The following USP32 variants were observed in gnomAD, a reference collection of about 807,000 sequenced individuals.
The protein encoded by USP32 is ubiquitin carboxyl-terminal hydrolase 32.
USP32 carries 59 observed loss-of-function variants against 204.8 expected under a neutral mutation model. That is an observed-to-expected ratio of 0.29 (90% CI 0.23 to 0.36). The LOEUF (loss-of-function observed/expected upper bound fraction) is 0.36, where lower values mean the gene tolerates loss of function less well. USP32 is among the 10% of genes least tolerant of loss of function. The pLI, the probability that USP32 is intolerant of heterozygous loss-of-function variation, is 1.00. For missense variants in USP32, 1,160 were observed against 1,946.4 expected, an observed-to-expected ratio of 0.60 and a Z score of 7.60; for synonymous variants, 517 against 678.4, an observed-to-expected ratio of 0.76 and a Z score of 3.70.
chr17:60,265,336 T>C lies in USP32; in HGVS notation c.990+76A>G, dbSNP rs534544247. The C allele has an allele frequency of 1.2e-4, 123 of 991,902 alleles. 1 individual carries two copies. The South Asian group carries it at 1.8e-3, about 15-fold the overall frequency. 61.4% of individuals were successfully genotyped at this position (991,902 alleles called of 1,614,324 possible). The stretch of plus-strand genomic sequence containing the variant: ...GGAGGATGCCAAAGAGATTCAAGCA[T>C]GTATATAAGCGATACATCCCAAATG... On this transcript the variant is annotated intron_variant, in intron 9 of 33. Transcript: ENST00000300896.
At chr17:60,334,094 G>A (rs1027659259) in intron 2 of USP32, among the ~76,000 whole-genome samples, 7 of 152,138 alleles carry the variant, frequency 4.6e-5, no homozygotes, top group African/African-American at 1.7e-4. Context: ...GTGCTCATAT[G>A]GAGATGATTA....
intron 2 of USP32, among the ~76,000 whole-genome samples, chr17:60,332,669 C>T (rs1412924044): frequency 6.6e-6 from 1 of 152,082 alleles, no homozygotes; most frequent in Non-Finnish European, 1.5e-5. Context: ...TTTACTCTGC[C>T]CCTATATAAC....
chr17:60,294,566 A>C, intron 4 of USP32, 117 bp downstream of exon 4: 1 of 566,404 alleles, frequency 1.8e-6, no homozygotes, highest in Non-Finnish European at 3.0e-6. Flanking sequence ...ATAAATATAA[A>C]AATGCCAAGA....
chr17:60,180,540 T>C lies in USP32; in HGVS notation c.4641+5A>G. ...AACTTTCATTCAAAGACTGAGAATG[T>C]TTACCTTACAGCTGCTGTCATTGTA... On this transcript the variant is annotated splice_donor_5th_base_variant and intron_variant, in intron 33 of 33. Coordinates refer to ENST00000300896, the MANE Select transcript of USP32 (RefSeq NM_032582.4). 4 of 1,613,480 alleles carry C rather than the reference T, an allele frequency of 2.5e-6. No individual in the cohort carries two copies. The highest frequency in any genetic ancestry group is 3.4e-6 in the Non-Finnish European group (4 of 1,179,460).
At chr17:60,344,646 T>C (rs996862066) in intron 2 of USP32, among the ~76,000 whole-genome samples, 1 of 151,964 alleles carries the variant, frequency 6.6e-6, no homozygotes, top group Non-Finnish European at 1.5e-5. Context: ...TAAGTAGAGA[T>C]GAGGTCTCAC....
intron 2 of USP32, among the ~76,000 whole-genome samples, chr17:60,314,204 T>G: frequency 0.038 from 1 of 26 alleles, no homozygotes; most frequent in Admixed American, 0.25. Context: ...ACAGTGGCAT[T>G]GATCTTGGCT....
intron 7 of USP32, among the ~76,000 whole-genome samples, chr17:60,268,490 T>C (rs751664643): frequency 4.7e-5 from 7 of 150,190 alleles, no homozygotes; most frequent in Admixed American, 2.7e-4. Context: ...GGAGGATCCA[T>C]TGAGCCCAGA....
chr17:60,419,819 T>A (rs917244797), intron 1 of USP32, among the ~76,000 whole-genome samples: 14 of 7,372 alleles, frequency 1.9e-3, no homozygotes, highest in Admixed American at 7.8e-3. Flanking sequence ...TTAAAAAAAA[T>A]TATTATTATT....
intron 9 of USP32, among the ~76,000 whole-genome samples, chr17:60,259,901 T>A (rs1361617182): frequency 6.6e-6 from 1 of 152,204 alleles, no homozygotes; most frequent in Non-Finnish European, 1.5e-5. Context: ...TATTTAGAAG[T>A]TTGGTGATAT....
Position 60,341,409 on chromosome 17 carries a change from T to C in USP32, c.186+4072A>G, listed in dbSNP as rs545770753. Among the ~76,000 whole-genome samples the C allele has an allele frequency of 2.0e-5, 3 of 152,196 alleles. No homozygotes were observed. In the East Asian group the frequency reaches 5.8e-4, roughly 30 times the overall value. On this transcript the variant is annotated intron_variant, in intron 2 of 33. Coordinates refer to ENST00000300896, the MANE Select transcript of USP32 (RefSeq NM_032582.4). ...TCAGCATTTGCTTGTCTGTAAAGGATTTTATTTCTCCTTCACTTATGAAGC... is the reference window on the plus strand; with the variant it reads ...TCAGCATTTGCTTGTCTGTAAAGGACTTTATTTCTCCTTCACTTATGAAGC...
chr17:60,324,372 C>A (rs896130418), intron 2 of USP32, among the ~76,000 whole-genome samples: 1 of 151,464 alleles, frequency 6.6e-6, no homozygotes, highest in Non-Finnish European at 1.5e-5. Flanking sequence ...TTCAAAAATG[C>A]TACTAACTTG....
intron 9 of USP32, chr17:60,257,966 T>C (rs2086356818): frequency 6.5e-6 from 1 of 153,634 alleles, no homozygotes; most frequent in Admixed American, 6.6e-5. Flanking sequence ...TTTAACTCTT[T>C]AGGGCACAAT....
At chr17:60,180,436 C>T in intron 33 of USP32, 109 bp downstream of exon 33, 1 of 1,233,896 alleles carries the variant, frequency 8.1e-7, no homozygotes, top group Non-Finnish European at 1.2e-6. Flanking sequence ...TTGATTCTAA[C>T]AGAAATATCT....
chr17:60,218,123 T>C (rs2085150929), intron 16 of USP32, among the ~76,000 whole-genome samples: 1 of 152,136 alleles, frequency 6.6e-6, no homozygotes, highest in Non-Finnish European at 1.5e-5. Flanking sequence ...TACGAAACAC[T>C]ACTGAAAGAA....
At chr17:60,335,885 CAG>C (rs555291510) in intron 2 of USP32, among the ~76,000 whole-genome samples, 1 of 143,092 alleles carries the variant, frequency 7.0e-6, no homozygotes, top group Non-Finnish European at 1.5e-5. Context: ...TAAATTTTGG[CAG>C]AGTCTGTAAC....
At chr17:60,180,791 T>G (rs2084088637) in intron 32 of USP32, among the ~76,000 whole-genome samples, 154 bp from the exon 33 acceptor site, 1 of 151,950 alleles carries the variant, frequency 6.6e-6, no homozygotes, top group Non-Finnish European at 1.5e-5. Context: ...AAAACCAAAA[T>G]AAGCAAAAAG....
chr17:60,185,832 T>G (rs1598030233), intron 29 of USP32, 181 bp from the exon 30 acceptor site: 1 of 639,700 alleles, frequency 1.6e-6, no homozygotes, highest in South Asian at 3.6e-5. Flanking sequence ...GAGGCCGAGG[T>G]GGGGTAATTG....
intron 1 of USP32, among the ~76,000 whole-genome samples, chr17:60,421,023 T>C (rs1017171029): frequency 7.9e-5 from 12 of 152,200 alleles, no homozygotes; most frequent in African/African-American, 2.9e-4. Flanking sequence ...ATTCCTCCTA[T>C]AAGTAGAATT....
chr17:60,313,487 A>C (rs1479799940), intron 2 of USP32, among the ~76,000 whole-genome samples: 2 of 152,072 alleles, frequency 1.3e-5, no homozygotes, highest in Admixed American at 6.6e-5. Flanking sequence ...CAAAAAAAAT[A>C]AAGGGCCCCT....
Sources: allele counts gnomAD v4.1 joint callset (sites outside exome capture counted in the v4.1 genomes callset), GRCh38; gene constraint gnomAD v4.1.1; transcripts MANE v1.5; gene names NCBI Gene and HGNC (gene_info 2026-07-23, HGNC 2026-07-21).